B3GALT1: variants seen among roughly 807,000 people sequenced by gnomAD.
B3GALT1 encodes the protein beta-1,3-galactosyltransferase 1.
B3GALT1 carries 10 observed loss-of-function variants against 23.2 expected under a neutral mutation model. That is an observed-to-expected ratio of 0.43 (90% CI 0.27 to 0.73). The LOEUF is 0.73. Among genes scored for constraint, B3GALT1 ranks in the 30% least tolerant of loss-of-function variants. B3GALT1 has a pLI of 0.21. For synonymous variants in B3GALT1, 156 were observed against 141.5 expected, an observed-to-expected ratio of 1.10 and a Z score of -0.73; for missense variants, 299 against 405.4, an observed-to-expected ratio of 0.74 and a Z score of 2.25.
intron 3 of B3GALT1, among the ~76,000 whole-genome samples, chr2:167,689,674 G>A (rs557779700): frequency 2.2e-4 from 34 of 152,158 alleles, no homozygotes; most frequent in African/African-American, 5.8e-4. Flanking sequence ...GGCTGCTGTC[G>A]GGAAACCAGA....
In B3GALT1 at chr2:167,445,871, T is replaced by C. The variant is rs540561503; in HGVS notation, c.-510-44306T>C. The stretch of plus-strand genomic sequence containing the variant: ...GCATTTAGCCCATTTACACTTAAGG[T>C]TCATATTGTTATGTGTGAATTTGAT... On this transcript the variant is annotated intron_variant, in intron 1 of 4. Coordinates refer to ENST00000392690, the MANE Select transcript of B3GALT1 (RefSeq NM_020981.4). 5.3e-5 allele frequency among the ~76,000 whole-genome samples: 8 copies of C among 152,328 alleles called. No homozygotes were observed. The South Asian group carries it at 1.2e-3, about 24-fold the overall frequency.
In B3GALT1 at chr2:167,839,856, G is replaced by A. The variant is rs1689593991; in HGVS notation, c.-230+21063G>A. ...ATATAGATCAATGGAACAGAACAGA[G>A]CCCTCAGAAATAACGCCGCATATCT... On this transcript the variant is annotated intron_variant, in intron 4 of 4. Transcript: ENST00000392690. Among the ~76,000 whole-genome samples, 5 of 152,114 alleles carry A rather than the reference G, an allele frequency of 3.3e-5. No individual in the cohort carries two copies. In the South Asian group the frequency reaches 1.0e-3, roughly 32 times the overall value.
chr2:167,872,430 C>CAATAG lies in B3GALT1; in HGVS notation c.*2410_*2411insAATAG, dbSNP rs1354084375. 1 of 152,158 alleles carries CAATAG rather than the reference C, an allele frequency of 6.6e-6. No homozygotes were observed. The highest frequency in any genetic ancestry group is 2.4e-5 in the African/African-American group (1 of 41,426). The allele number at this position is 152,158 out of a possible 1,614,324, so 9.4% of individuals were successfully genotyped here. ...TGATTAGACAATAGCAATTAGGTAA[C>CAATAG]CTGGGGAGAGATGGATCAGCACAAG... On this transcript the variant is annotated 3_prime_UTR_variant, in exon 5 of 5. Transcript: ENST00000392690.
At chr2:167,666,933 G>A (rs1421260714) in intron 3 of B3GALT1, among the ~76,000 whole-genome samples, 1 of 152,042 alleles carries the variant, frequency 6.6e-6, no homozygotes, top group East Asian at 1.9e-4. Flanking sequence ...TTTAATTGGA[G>A]CATTTAGTCC....
At chr2:167,862,105 A>ATAGT (rs1690114088) in intron 4 of B3GALT1, among the ~76,000 whole-genome samples, 1 of 152,178 alleles carries the variant, frequency 6.6e-6, no homozygotes, top group Non-Finnish European at 1.5e-5. Context: ...GTATTTGCCT[A>ATAGT]TAGTTAGGAT....
At chr2:167,716,533 C>T (rs1192738640) in intron 3 of B3GALT1, among the ~76,000 whole-genome samples, 1 of 152,058 alleles carries the variant, frequency 6.6e-6, no homozygotes, top group Non-Finnish European at 1.5e-5. Flanking sequence ...CTTTTTTCAT[C>T]CTTTTAATTT....
In B3GALT1 at chr2:167,580,644, G is replaced by C. The variant is rs182281631; in HGVS notation, c.-409-66265G>C. On this transcript the variant is annotated intron_variant, in intron 2 of 4. Coordinates refer to ENST00000392690, the MANE Select transcript of B3GALT1 (RefSeq NM_020981.4). ...TATGTTAAAATATCAATAAGCTTTT[G>C]GAAATTTCACTGATTTTCAGTTCTG... Among the ~76,000 whole-genome samples, 4 of 152,112 alleles carry C rather than the reference G, an allele frequency of 2.6e-5. No homozygotes were observed. The East Asian group carries it at 7.7e-4, about 29-fold the overall frequency.
chr2:167,484,575 T>C (rs1699599412), intron 1 of B3GALT1, among the ~76,000 whole-genome samples: 1 of 152,182 alleles, frequency 6.6e-6, no homozygotes, highest in Admixed American at 6.5e-5. Context: ...TGGCAATTTG[T>C]TGAAAGAGTT....
chr2:167,395,434 G>T (rs987998267), intron 1 of B3GALT1, among the ~76,000 whole-genome samples: 2 of 151,196 alleles, frequency 1.3e-5, no homozygotes, highest in African/African-American at 4.9e-5. Flanking sequence ...TTAGAAGATG[G>T]AGAAAAGAAC....
chr2:167,744,230 C>T (rs1687618056), intron 3 of B3GALT1, among the ~76,000 whole-genome samples: 1 of 152,078 alleles, frequency 6.6e-6, no homozygotes, highest in Non-Finnish European at 1.5e-5. Flanking sequence ...ATAAATCAAG[C>T]TGGTTAATGG....
chr2:167,472,429 C>A (rs890873472), intron 1 of B3GALT1, among the ~76,000 whole-genome samples: 1 of 152,138 alleles, frequency 6.6e-6, no homozygotes, highest in Admixed American at 6.6e-5. Flanking sequence ...CTTCCCAATT[C>A]ATAGGTCTAA....
chr2:167,768,572 A>G (rs1377229828), intron 3 of B3GALT1, among the ~76,000 whole-genome samples: 1 of 152,240 alleles, frequency 6.6e-6, no homozygotes, highest in Non-Finnish European at 1.5e-5. Flanking sequence ...GGAGGATGAC[A>G]GGAACATATT....
chr2:167,764,052 G>C (rs1412176753), intron 3 of B3GALT1, among the ~76,000 whole-genome samples: 1 of 152,202 alleles, frequency 6.6e-6, no homozygotes, highest in African/African-American at 2.4e-5. Context: ...AAGTGGTAGA[G>C]TGCATTTAGA....
At chr2:167,463,515 G>T (rs1357810353) in intron 1 of B3GALT1, among the ~76,000 whole-genome samples, 1 of 152,122 alleles carries the variant, frequency 6.6e-6, no homozygotes, top group Non-Finnish European at 1.5e-5. Flanking sequence ...TCCTGTGATC[G>T]CATGGGTTAA....
At chr2:167,783,804 A>C (rs886893483) in intron 3 of B3GALT1, among the ~76,000 whole-genome samples, 2 of 152,198 alleles carry the variant, frequency 1.3e-5, no homozygotes, top group Admixed American at 1.3e-4. Flanking sequence ...GGAATTCAGC[A>C]AAGTTGCTGT....
chr2:167,329,744 T>C (rs1387107262), intron 1 of B3GALT1, among the ~76,000 whole-genome samples: 2 of 152,234 alleles, frequency 1.3e-5, no homozygotes, highest in African/African-American at 4.8e-5. Flanking sequence ...GGAAAGACTT[T>C]ATTTCTCCTT....
At chr2:167,418,414 G>GAA (rs200328760) in intron 1 of B3GALT1, among the ~76,000 whole-genome samples, 1 of 140,132 alleles carries the variant, frequency 7.1e-6, no homozygotes, top group African/African-American at 2.6e-5. Context: ...AAAGGATGAT[G>GAA]AAAAAAAAAA....
chr2:167,714,317 T>G, intron 3 of B3GALT1: 1 of 1,492,542 alleles, frequency 6.7e-7, no homozygotes, highest in Non-Finnish European at 9.3e-7. Context: ...CCTGTGAGCA[T>G]CAGTTGACCT....
At chr2:167,633,479 G>C (rs946089581) in intron 2 of B3GALT1, among the ~76,000 whole-genome samples, 1 of 150,858 alleles carries the variant, frequency 6.6e-6, no homozygotes. Flanking sequence ...TATTTACCAA[G>C]CAAATGGAAA....
Sources: gnomAD v4.1 joint callset for allele counts (sites outside exome capture counted in the v4.1 genomes callset) on GRCh38, gnomAD v4.1.1 for gene constraint, MANE v1.5 for transcripts, NCBI Gene and HGNC (gene_info 2026-07-23, HGNC 2026-07-21) for gene names.